Variants in RC3H1 observed in about 807,000 individuals in gnomAD.
The protein encoded by RC3H1 is ring finger and CCCH-type domains 1, also known as roquin-1.
A neutral mutation model predicts 138.2 loss-of-function variants in RC3H1; 50 were observed. That is an observed-to-expected ratio of 0.36 (90% confidence interval 0.29 to 0.46). RC3H1 has a LOEUF of 0.46. RC3H1 is among the 20% of genes least tolerant of loss of function. RC3H1 has a pLI of 1.00. For missense variants in RC3H1, 1,031 were observed against 1,388.1 expected (o/e 0.74, Z 4.09); for synonymous variants, 462 against 489.1 (o/e 0.94, Z 0.73).
chr1:173,936,730 CATATATAT>C lies in RC3H1; in HGVS notation c.*1983_*1990del, dbSNP rs1210669077. On this transcript the variant is annotated 3_prime_UTR_variant, in exon 20 of 20. Coordinates refer to ENST00000367696, the MANE Select transcript of RC3H1 (RefSeq NM_172071.4). ...AGCCAAAAAAAAAAGAAAAAGCATACATATATATATATATATATATATATATATATATT... is the reference window on the plus strand; with the variant it reads ...AGCCAAAAAAAAAAGAAAAAGCATACATATATATATATATATATATATATT... 6.6e-4 allele frequency: 31 copies of C among 46,782 alleles called. No homozygotes were observed. The highest frequency in any genetic ancestry group is 1.9e-3 in the Admixed American group (6 of 3,124). The allele number at this position is 46,782 out of a possible 1,614,324, so 2.9% of individuals were successfully genotyped here. A position where few individuals can be genotyped will look rare whatever the true frequency, so the allele number is the denominator to read the frequency against.
chr1:173,961,401 C>G lies in RC3H1; in HGVS notation c.2203-157G>C, dbSNP rs187962087. Among the ~76,000 whole-genome samples, 18 of 151,950 alleles carry G rather than the reference C, an allele frequency of 1.2e-4. No individual in the cohort carries two copies. The East Asian group carries it at 3.5e-3, about 29-fold the overall frequency. ...TTAACAGAACAAAGTAAAACAAAAC[C>G]CCCCAAACTCTCAAGATCTTCCAAA... On this transcript the variant is annotated intron_variant, in intron 12 of 19. Transcript: ENST00000367696.
chr1:173,938,554 T>C lies in RC3H1; in HGVS notation c.*167A>G. On this transcript the variant is annotated 3_prime_UTR_variant, in exon 20 of 20. Transcript: ENST00000367696. Reference sequence around the variant, plus strand: ...AAAAAATGCATTAATGTGAACTATGTGCAGGGTTTGTTTTTAGTAGTGGTG... The same window carrying C: ...AAAAAATGCATTAATGTGAACTATGCGCAGGGTTTGTTTTTAGTAGTGGTG... The C allele has an allele frequency of 4.2e-6, 2 of 476,028 alleles. No individual in the cohort carries two copies. Among genetic ancestry groups the C allele is most frequent in the South Asian group, 1.2e-4 (2 of 16,820 alleles). 29.5% of individuals were successfully genotyped at this position (476,028 alleles called of 1,614,324 possible). A position where few individuals can be genotyped will look rare whatever the true frequency, so the allele number is the denominator to read the frequency against.
chr1:173,961,751 T>C lies in RC3H1; in HGVS notation c.2176A>G (p.Thr726Ala), dbSNP rs1003338807. The C allele has an allele frequency of 1.2e-6, 2 of 1,612,414 alleles. No homozygotes were observed. The highest frequency in any genetic ancestry group is 1.1e-5 in the South Asian group (1 of 91,018). ...CTGAGGTACGAAGGTCTGATCTGAG[T>C]TGGATGAGGAGCCACTGGATAGTAA... ...ESYYPVAPHP[T>A]QIRPSYLREP... The change falls in exon 12 of 20, where the codon ACT becomes GCT. Residue 726 changes from threonine to alanine, a missense_variant. By Grantham distance (58) the Thr-to-Ala change is moderately conservative. Transcript: ENST00000367696.
At position 173,961,346 on chromosome 1, in the gene RC3H1, AC is replaced by A. The variant is rs1659866652; in HGVS notation, c.2203-103del. On this transcript the variant is annotated intron_variant, in intron 12 of 19. Coordinates refer to ENST00000367696, the MANE Select transcript of RC3H1 (RefSeq NM_172071.4). ...TTTTAAGTTATGAAACAGCTTGTAT[AC>A]CCTTCTTAACATTTGGAAACACCAA... 4 of 1,004,252 alleles carry A rather than the reference AC, an allele frequency of 4.0e-6. No homozygotes were observed. In the African/African-American group the frequency reaches 6.6e-5, roughly 16 times the overall value. 62.2% of individuals were successfully genotyped at this position (1,004,252 alleles called of 1,614,324 possible).
At chr1:173,971,666 GAA>G (rs1311027041) in intron 8 of RC3H1, among the ~76,000 whole-genome samples, 1 of 152,138 alleles carries the variant, frequency 6.6e-6, no homozygotes, top group Non-Finnish European at 1.5e-5. Context: ...GATGTCTAAT[GAA>G]ACAGAGAGTT....
At chr1:173,987,367 G>T (rs1571225716) in intron 2 of RC3H1, among the ~76,000 whole-genome samples, 2 of 151,896 alleles carry the variant, frequency 1.3e-5, no homozygotes, top group South Asian at 4.2e-4. Context: ...TTATACCTGG[G>T]TTATGATCCA....
At chr1:173,983,771 G>A (rs1660914614) in intron 3 of RC3H1, 114 bp from the exon 4 acceptor site, 1 of 1,002,254 alleles carries the variant, frequency 1.0e-6, no homozygotes, top group Non-Finnish European at 1.5e-6. Context: ...GACTACTAGA[G>A]TATTTAAAAT....
Position 173,984,710 on chromosome 1 carries a change from T to C in RC3H1, c.232-91A>G, listed in dbSNP as rs528352215. On this transcript the variant is annotated intron_variant, in intron 2 of 19. Coordinates refer to ENST00000367696, the MANE Select transcript of RC3H1 (RefSeq NM_172071.4). ...TATGCACTCATAATGCTGACACTGG[T>C]AACATCAAAACGCCCACTAAATTTA... The C allele has an allele frequency of 9.0e-6, 12 of 1,327,470 alleles. No homozygotes were observed. In the Middle Eastern group the frequency reaches 5.7e-4, roughly 63 times the overall value. The allele number at this position is 1,327,470 out of a possible 1,614,324, so 82.2% of individuals were successfully genotyped here. A position where few individuals can be genotyped will look rare whatever the true frequency, so the allele number is the denominator to read the frequency against.
intron 13 of RC3H1, among the ~76,000 whole-genome samples, chr1:173,957,560 T>C (rs1420580137): frequency 6.6e-6 from 1 of 152,094 alleles, no homozygotes; most frequent in Non-Finnish European, 1.5e-5. Context: ...CTTCCCCCCC[T>C]CTAATTTTTC....
rs1188006569 is a variant in RC3H1 at position 173,941,267 on chromosome 1, G to A, written c.3249C>T (p.Phe1083=). ...KVPAEDLTLT[F]SDVPNGSALT... is the part of the protein sequence containing the mutation. ...TACGACAATCTCCTTTTCTTTACCTGAATGTCAATGTAAGGTCCTCAGCCG... is the reference window on the plus strand; with the variant it reads ...TACGACAATCTCCTTTTCTTTACCTAAATGTCAATGTAAGGTCCTCAGCCG... The change falls in exon 19 of 20, where the codon TTC becomes TTT. Residue 1083 remains phenylalanine (F), a splice_region_variant and synonymous_variant. Coordinates refer to ENST00000367696, the MANE Select transcript of RC3H1 (RefSeq NM_172071.4). The A allele has an allele frequency of 6.3e-7, 1 of 1,594,310 alleles. No homozygotes were observed. The highest frequency in any genetic ancestry group is 2.2e-5 in the East Asian group (1 of 44,746).
At chr1:173,971,047 C>T (rs1030543655) in intron 8 of RC3H1, among the ~76,000 whole-genome samples, 1 of 151,384 alleles carries the variant, frequency 6.6e-6, no homozygotes, top group Admixed American at 6.6e-5. Context: ...CTGCAACTTC[C>T]ACCTCCCCGG....
In RC3H1 at chr1:173,948,486, C is replaced by CAT. The variant is rs567846778; in HGVS notation, c.2524-906_2524-905dup. Among the ~76,000 whole-genome samples the CAT allele has an allele frequency of 2.8e-3, 430 of 151,936 alleles. 1 individual carries two copies. The highest frequency in any genetic ancestry group is 9.6e-3 in the African/African-American group (397 of 41,408). ...ATATTTATCCCTATATAATGTTACA[C>CAT]ATATATATAGACACACAAATATATA... On this transcript the variant is annotated intron_variant, in intron 14 of 19. Coordinates refer to ENST00000367696, the MANE Select transcript of RC3H1 (RefSeq NM_172071.4).
intron 13 of RC3H1, among the ~76,000 whole-genome samples, chr1:173,955,204 C>G (rs1281337905): frequency 8.4e-6 from 1 of 119,450 alleles, no homozygotes; most frequent in Non-Finnish European, 1.6e-5. Context: ...CCAGCCCAGA[C>G]GACAGTGTGA....
Position 173,952,051 on chromosome 1 carries a change from A to G in RC3H1, c.2458T>C (p.Ser820Pro). Residue 820 changes from serine to proline, a missense_variant, in exon 14 of 20, where the codon TCC becomes CCC. This residue lies in a region of RC3H1 where 716 missense variants were observed against 837.9 expected (regional missense o/e 0.85). Coordinates refer to ENST00000367696, the MANE Select transcript of RC3H1 (RefSeq NM_172071.4). The stretch of plus-strand genomic sequence containing the variant: ...TTTGCATCTTTGGTTCCAATGTAGG[A>G]GCCGATGGTGTCACATGACCAGGGA... ...YSPWSCDTIG[S>P]YIGTKDAKPK... The G allele has an allele frequency of 6.2e-7, 1 of 1,608,502 alleles. No individual in the cohort carries two copies. The highest frequency in any genetic ancestry group is 8.5e-7 in the Non-Finnish European group (1 of 1,177,220).
chr1:173,939,588 G>A (rs1372182330), intron 19 of RC3H1, among the ~76,000 whole-genome samples: 1 of 135,398 alleles, frequency 7.4e-6, no homozygotes, highest in East Asian at 2.3e-4. Flanking sequence ...TGTAATCCCA[G>A]CACTTTGGGA....
chr1:174,008,602 T>C (rs1325510433), intron 1 of RC3H1, among the ~76,000 whole-genome samples: 4 of 152,214 alleles, frequency 2.6e-5, no homozygotes, highest in South Asian at 4.1e-4. Flanking sequence ...CAGAATCCTA[T>C]AGCCACAATG....
chr1:173,984,368 G>T, intron 3 of RC3H1, 131 bp downstream of exon 3: 1 of 728,440 alleles, frequency 1.4e-6, no homozygotes, highest in Non-Finnish European at 2.1e-6. Flanking sequence ...CATTTACTTA[G>T]TATGGATAAT....
intron 13 of RC3H1, among the ~76,000 whole-genome samples, chr1:173,958,440 G>A (rs1401887384): frequency 3.3e-5 from 5 of 152,074 alleles, no homozygotes; most frequent in Non-Finnish European, 5.9e-5. Context: ...AGTTACTGGG[G>A]GAGGCTGAGG....
chr1:173,939,301 G>T (rs1658729535), intron 19 of RC3H1, among the ~76,000 whole-genome samples: 1 of 151,862 alleles, frequency 6.6e-6, no homozygotes, highest in African/African-American at 2.4e-5. Context: ...ACTTTCGGAG[G>T]CCAAGGCAGG....
Sources: gnomAD v4.1 joint callset for allele counts (sites outside exome capture counted in the v4.1 genomes callset) on GRCh38, gnomAD v4.1.1 for gene constraint, gnomAD v4.1.1 regional missense constraint, MANE v1.5 for transcripts, NCBI Gene and HGNC (gene_info 2026-07-23, HGNC 2026-07-21) for gene names.